The following ARHGAP21 variants were observed in gnomAD, a reference collection of about 807,000 sequenced individuals.
The protein encoded by ARHGAP21 is rho GTPase-activating protein 21.
In ARHGAP21, 38 loss-of-function variants were observed where a neutral mutation model predicts 164.6. The ratio of observed to expected loss-of-function variants is 0.23; its 90% confidence interval spans 0.18 to 0.30. ARHGAP21 has a LOEUF of 0.30. Among genes scored for constraint, ARHGAP21 ranks in the 10% least tolerant of loss-of-function variants. The pLI is 1.00. For synonymous variants in ARHGAP21, 766 were observed against 857.9 expected (o/e 0.89, Z 1.87); for missense variants, 1,822 against 2,370.7 (o/e 0.77, Z 4.81).
At chr10:24,589,431 A>G in intron 24 of ARHGAP21, 129 bp from the exon 25 acceptor site, 2 of 744,242 alleles carry the variant, frequency 2.7e-6, no homozygotes, top group East Asian at 3.0e-5. Flanking sequence ...AATAGAACAC[A>G]GTGGATAGTC....
intron 2 of ARHGAP21, among the ~76,000 whole-genome samples, chr10:24,707,175 A>AAT (rs1565196205): frequency 1.3e-5 from 2 of 152,232 alleles, no homozygotes; most frequent in Non-Finnish European, 2.9e-5. Flanking sequence ...TGCAAAAGGC[A>AAT]ATGTAGCAAT....
intron 2 of ARHGAP21, among the ~76,000 whole-genome samples, chr10:24,694,555 T>C (rs1409550134): frequency 2.0e-5 from 3 of 152,244 alleles, no homozygotes; most frequent in African/African-American, 7.2e-5. Context: ...GTAGGCAGTA[T>C]TTCACACATA....
chr10:24,652,673 C>T (rs764499844), intron 4 of ARHGAP21, among the ~76,000 whole-genome samples: 16 of 152,270 alleles, frequency 1.1e-4, no homozygotes, highest in Non-Finnish European at 1.9e-4. Flanking sequence ...AGGTAATCAA[C>T]CTCATTAGTC....
At chr10:24,621,851 C>CA (rs1324116350) in intron 8 of ARHGAP21, among the ~76,000 whole-genome samples, 1 of 152,080 alleles carries the variant, frequency 6.6e-6, no homozygotes, top group Non-Finnish European at 1.5e-5. Context: ...AGCATCTTGT[C>CA]AATTAACCAT....
chr10:24,635,459 A>C (rs1167364406), intron 4 of ARHGAP21, among the ~76,000 whole-genome samples: 1 of 152,204 alleles, frequency 6.6e-6, no homozygotes, highest in Non-Finnish European at 1.5e-5. Flanking sequence ...GGATTAAATA[A>C]AGTCTCCAAG....
At chr10:24,697,087 C>G (rs1843239611) in intron 2 of ARHGAP21, among the ~76,000 whole-genome samples, 1 of 152,196 alleles carries the variant, frequency 6.6e-6, no homozygotes, top group East Asian at 1.9e-4. Flanking sequence ...GACCCAGAAT[C>G]TCTAGAGATG....
At chr10:24,667,252 A>C (rs760489242) in intron 3 of ARHGAP21, among the ~76,000 whole-genome samples, 63 of 152,204 alleles carry the variant, frequency 4.1e-4, no homozygotes, top group South Asian at 2.1e-4. Context: ...AGTTTTCACA[A>C]ATAGAGATAA....
chr10:24,703,332 T>C (rs1843895229), intron 2 of ARHGAP21, among the ~76,000 whole-genome samples: 1 of 152,196 alleles, frequency 6.6e-6, no homozygotes, highest in African/African-American at 2.4e-5. Flanking sequence ...TATACCAACT[T>C]AGAATACGCT....
intron 2 of ARHGAP21, among the ~76,000 whole-genome samples, chr10:24,679,033 T>C (rs1176812555): frequency 1.3e-5 from 2 of 152,216 alleles, no homozygotes; most frequent in Admixed American, 6.5e-5. Context: ...CTCAGCTGTT[T>C]CAAGTTTTGG....
intron 13 of ARHGAP21, 57 bp downstream of exon 13, chr10:24,601,921 G>GTTTATT (rs923485615): frequency 7.0e-7 from 1 of 1,435,278 alleles, no homozygotes; most frequent in Non-Finnish European, 9.2e-7. Context: ...AGGCTTTATG[G>GTTTATT]TTTATTTGTC....
At chr10:24,639,332 A>C (rs965483221) in intron 4 of ARHGAP21, among the ~76,000 whole-genome samples, 2 of 152,274 alleles carry the variant, frequency 1.3e-5, no homozygotes, top group African/African-American at 4.8e-5. Context: ...ATGTGCCCCC[A>C]GTTTACTGAT....
chr10:24,711,923 T>C (rs760446037), intron 2 of ARHGAP21, among the ~76,000 whole-genome samples: 1 of 149,424 alleles, frequency 6.7e-6, no homozygotes, highest in Non-Finnish European at 1.5e-5. Flanking sequence ...ATTAAGAACT[T>C]TTTTTTTTTT....
chr10:24,585,782 GTTC>G lies in ARHGAP21; in HGVS notation c.4504_4506del (p.Glu1502del). ...TGTTTTGAGTTGTGTGGTGGTGAGG[GTTC>G]TTCAGAAGGCGTGCTCTCTTTTCCT... is the stretch of plus-strand genomic sequence containing the variant. On this transcript the variant is annotated inframe_deletion, in exon 26 of 26. Transcript: ENST00000396432. The G allele has an allele frequency of 6.2e-7, 1 of 1,613,942 alleles. No individual in the cohort carries two copies. The highest frequency in any genetic ancestry group is 8.5e-7 in the Non-Finnish European group (1 of 1,179,870).
chr10:24,721,985 A>C lies in ARHGAP21; in HGVS notation c.-86T>G. 7.1e-7 allele frequency: 1 copy of C among 1,411,256 alleles called. No homozygotes were observed. The highest frequency in any genetic ancestry group is 1.8e-5 in the Admixed American group (1 of 55,388). 87.4% of individuals were successfully genotyped at this position (1,411,256 alleles called of 1,614,324 possible). On this transcript the variant is annotated 5_prime_UTR_variant, in exon 2 of 26. Coordinates refer to ENST00000396432, the MANE Select transcript of ARHGAP21 (RefSeq NM_020824.4). ...AATGCCACCACACACCCGAAGGGGAAGAATTCCACAAGCAGGCTCCGAGGA... is the reference window on the plus strand; with the variant it reads ...AATGCCACCACACACCCGAAGGGGACGAATTCCACAAGCAGGCTCCGAGGA...
chr10:24,694,200 A>AT (rs1842962751), intron 2 of ARHGAP21, among the ~76,000 whole-genome samples: 2 of 152,204 alleles, frequency 1.3e-5, no homozygotes, highest in Admixed American at 1.3e-4. Context: ...CAATCATCAA[A>AT]TTTAACAAAA....
At chr10:24,607,709 T>A in intron 10 of ARHGAP21, 36 bp downstream of exon 10, 1 of 1,611,882 alleles carries the variant, frequency 6.2e-7, no homozygotes, top group Non-Finnish European at 8.5e-7. Context: ...AAACAGAGCA[T>A]GAGATACGGT....
At chr10:24,662,506 A>G (rs1486040440) in intron 4 of ARHGAP21, among the ~76,000 whole-genome samples, 1 of 152,202 alleles carries the variant, frequency 6.6e-6, no homozygotes, top group Non-Finnish European at 1.5e-5. Context: ...GACGATAAAA[A>G]TATGTATTAT....
At chr10:24,701,697 A>G (rs1030378733) in intron 2 of ARHGAP21, among the ~76,000 whole-genome samples, 1 of 152,194 alleles carries the variant, frequency 6.6e-6, no homozygotes, top group African/African-American at 2.4e-5. Flanking sequence ...ATAATGAAAG[A>G]AGGGAACAAA....
rs563418963 is a variant in ARHGAP21, at chr10:24,584,523, G to A, written c.5766C>T (p.Asn1922=). ...TGCTCACGTTCTGGAAGCTTTCTCC[G>A]TTTATTTGGTCAGGTGACTGTGGTG... ...SIPPQSPDQI[N]GESFQNVSKN... The change falls in exon 26 of 26, where the codon AAC becomes AAT. Residue 1922 remains asparagine (N), a synonymous_variant. Transcript: ENST00000396432. 2.6e-5 allele frequency: 42 copies of A among 1,613,902 alleles called. No homozygotes were observed. The highest frequency in any genetic ancestry group is 3.3e-4 in the Middle Eastern group (2 of 6,056).
Sources: allele counts gnomAD v4.1 joint callset (sites outside exome capture counted in the v4.1 genomes callset), GRCh38; gene constraint gnomAD v4.1.1; transcripts MANE v1.5; gene names NCBI Gene and HGNC (gene_info 2026-07-23, HGNC 2026-07-21).